ENPP7: variants seen among roughly 807,000 people sequenced by gnomAD.
The protein encoded by ENPP7 is ectonucleotide pyrophosphatase/phosphodiesterase 7, also known as ectonucleotide pyrophosphatase/phosphodiesterase family member 7.
A neutral mutation model predicts 33.6 loss-of-function variants in ENPP7; 39 were observed. The observed-to-expected ratio is 1.16, with a 90% CI of 0.90 to 1.52. The LOEUF is 1.52. Ranked by LOEUF, ENPP7 falls within the 40% of genes most tolerant of loss-of-function variation. The pLI, the probability that ENPP7 is intolerant of heterozygous loss-of-function variation, is 0.00. For synonymous variants in ENPP7, 244 were observed against 274.3 expected, an observed-to-expected ratio of 0.89 and a Z score of 1.09; for missense variants, 594 against 641.0, an observed-to-expected ratio of 0.93 and a Z score of 0.79.
At chr17:79,741,158 A>T (rs1905494228) in intron 5 of ENPP7, among the ~76,000 whole-genome samples, 3 of 151,874 alleles carry the variant, frequency 2.0e-5, no homozygotes, top group Admixed American at 2.0e-4. Flanking sequence ...CTAATTTTTT[A>T]ATTTTTAATT....
In ENPP7 at chr17:79,738,284, G is replaced by T; in HGVS notation, c.*16+222G>T. 1.9e-6 allele frequency: 1 copy of T among 526,520 alleles called. No homozygotes were observed. Among genetic ancestry groups the T allele is most frequent in the Non-Finnish European group, 3.4e-6 (1 of 291,778 alleles). The allele number at this position is 526,520 out of a possible 1,614,324, so 32.6% of individuals were successfully genotyped here. A position where few individuals can be genotyped will look rare whatever the true frequency, so the allele number is the denominator to read the frequency against. ...TCTGGGCTTGGAGGAGGTCTTTCCA[G>T]AGCAGACCACCCGGACCAGTGGCCA... is the stretch of plus-strand genomic sequence containing the variant. On this transcript the variant is annotated intron_variant, in intron 5 of 5. Coordinates refer to ENST00000328313, the MANE Select transcript of ENPP7 (RefSeq NM_178543.5). This position sits in a 1 kb window ranked among gnomAD's most constrained non-coding sequence, Gnocchi z 6.2.
rs77744130 is a variant in ENPP7 at position 79,737,470 on chromosome 17, G to A, written c.1246+210G>A. Reference sequence around the variant, plus strand: ...TCTCGGGCGGCACGAGAGGGCGAGGGGGAGGAGTGGGCAGTCTTGCTCAAG... The same window carrying A: ...TCTCGGGCGGCACGAGAGGGCGAGGAGGAGGAGTGGGCAGTCTTGCTCAAG... On this transcript the variant is annotated intron_variant, in intron 4 of 5. Transcript: ENST00000328313. The surrounding 1 kb of genome is among the most constrained non-coding windows in gnomAD (Gnocchi z 5.5). 6.9e-3 allele frequency among the ~76,000 whole-genome samples: 1,047 copies of A among 152,344 alleles called. 9 individuals are homozygous for A. The highest frequency in any genetic ancestry group is 0.024 in the African/African-American group (982 of 41,574).
At position 79,735,120 on chromosome 17, in the gene ENPP7, A is replaced by G. The variant is rs782678705; in HGVS notation, c.477A>G (p.Lys159=). Residue 159 remains lysine, a synonymous_variant, in exon 3 of 6, where the codon AAA becomes AAG. Coordinates refer to ENST00000328313, the MANE Select transcript of ENPP7 (RefSeq NM_178543.5). The surrounding 1 kb of genome is among the most constrained non-coding windows in gnomAD (Gnocchi z 5.5). ...YQGVAVTRSR[K]EGIAHNYKNE... is the part of the protein sequence containing the mutation. ...GGGTGGCTGTGACGCGGAGCCGGAA[A>G]GAAGGCATCGCACACAACTACAAAA... 18 of 1,613,032 alleles carry G rather than the reference A, an allele frequency of 1.1e-5. No homozygotes were observed. The highest frequency in any genetic ancestry group is 5.0e-5 in the Admixed American group (3 of 60,014).
intron 3 of ENPP7, among the ~76,000 whole-genome samples, chr17:79,736,300 A>G (rs2094295618): frequency 6.6e-6 from 1 of 152,162 alleles, no homozygotes; most frequent in Non-Finnish European, 1.5e-5. Context: ...GGGCCTCCCA[A>G]AGTGCTGGAA....
Position 79,733,368 on chromosome 17 carries a change from C to A in ENPP7, c.254-140C>A, listed in dbSNP as rs183722315. ...AGTGCAGGAGGAAGTCTGCTCCCCC[C>A]AGCCCTGCCCCAGGCCCACTCCCCA... On this transcript the variant is annotated intron_variant, in intron 1 of 5. Coordinates refer to ENST00000328313, the MANE Select transcript of ENPP7 (RefSeq NM_178543.5). 4.5e-5 allele frequency: 38 copies of A among 835,512 alleles called. No individual in the cohort carries two copies. In the African/African-American group the frequency reaches 4.6e-4, roughly 10 times the overall value. The allele number at this position is 835,512 out of a possible 1,614,324, so 51.8% of individuals were successfully genotyped here. A position where few individuals can be genotyped will look rare whatever the true frequency, so the allele number is the denominator to read the frequency against.
chr17:79,733,596 C>T lies in ENPP7; in HGVS notation c.342C>T (p.Gly114=), dbSNP rs1230186578. 1 of 1,613,484 alleles carries T rather than the reference C, an allele frequency of 6.2e-7. No homozygotes were observed. Among genetic ancestry groups the T allele is most frequent in the African/African-American group, 1.3e-5 (1 of 75,062 alleles). Residue 114 remains glycine (G), a synonymous_variant, in exon 2 of 6, where the codon GGC becomes GGT. Coordinates refer to ENST00000328313, the MANE Select transcript of ENPP7 (RefSeq NM_178543.5). ...AGCTGCCCTACCACGCCACGCTGGG[C>T]ATCCAGAGGTGGTGGGACAACGGCA... ...KVKLPYHATL[G]IQRWWDNGSV...
Position 79,735,728 on chromosome 17 carries a change from C to CTTT in ENPP7, c.1026+70_1026+72dup. 26 of 1,244,668 alleles carry CTTT rather than the reference C, an allele frequency of 2.1e-5. No individual in the cohort carries two copies. The highest frequency in any genetic ancestry group is 2.5e-5 in the Non-Finnish European group (23 of 918,290). The allele number at this position is 1,244,668 out of a possible 1,614,324, so 77.1% of individuals were successfully genotyped here. The stretch of plus-strand genomic sequence containing the variant: ...GCTCCCTCCCCAGGCTCTGGGTCTT[C>CTTT]TTTTTTTTTTTTTGAGACCAGGGTC... On this transcript the variant is annotated intron_variant, in intron 3 of 5. Coordinates refer to ENST00000328313, the MANE Select transcript of ENPP7 (RefSeq NM_178543.5). This position sits in a 1 kb window ranked among gnomAD's most constrained non-coding sequence, Gnocchi z 5.5.
Position 79,737,270 on chromosome 17 carries a change from G to A in ENPP7, c.1246+10G>A. On this transcript the variant is annotated intron_variant, in intron 4 of 5. Coordinates refer to ENST00000328313, the MANE Select transcript of ENPP7 (RefSeq NM_178543.5). This position sits in a 1 kb window ranked among gnomAD's most constrained non-coding sequence, Gnocchi z 5.5. ...CCCATGCTGCACACAGGTGAGGGCA[G>A]GGTGCCCCAAATCCCCGCCTGCTCT... 3.8e-6 allele frequency: 6 copies of A among 1,587,292 alleles called. No individual in the cohort carries two copies. The highest frequency in any genetic ancestry group is 5.1e-6 in the Non-Finnish European group (6 of 1,171,212).
chr17:79,735,338 G>T lies in ENPP7; in HGVS notation c.695G>T (p.Arg232Leu), dbSNP rs530922212. ...GGCTACCTCCGGGAGAGCATCGCGC[G>T]CAACCACCTCACAGACCGCCTCAAC... is the stretch of plus-strand genomic sequence containing the variant. ...TVGYLRESIARNHLTDRLNLI... is the reference protein window; with the variant it reads ...TVGYLRESIALNHLTDRLNLI... Residue 232 changes from arginine to leucine, a missense_variant, in exon 3 of 6, where the codon CGC becomes CTC. Around this residue, in one of 3 missense-constraint regions of ENPP7, gnomAD observed 504 missense variants for 512.8 expected, o/e 0.98. Coordinates refer to ENST00000328313, the MANE Select transcript of ENPP7 (RefSeq NM_178543.5). The surrounding 1 kb of genome is among the most constrained non-coding windows in gnomAD (Gnocchi z 5.5). 5 of 1,613,488 alleles carry T rather than the reference G, an allele frequency of 3.1e-6. No individual in the cohort carries two copies. In the African/African-American group the frequency reaches 6.7e-5, roughly 22 times the overall value.
At position 79,741,927 on chromosome 17, in the gene ENPP7, C is replaced by A. The variant is rs1422040408; in HGVS notation, c.*150C>A. 1 of 985,526 alleles carries A rather than the reference C, an allele frequency of 1.0e-6. No homozygotes were observed. Among genetic ancestry groups the A allele is most frequent in the Non-Finnish European group, 1.2e-6 (1 of 830,098 alleles). 61.0% of individuals were successfully genotyped at this position (985,526 alleles called of 1,614,324 possible). On this transcript the variant is annotated 3_prime_UTR_variant, in exon 6 of 6. Coordinates refer to ENST00000328313, the MANE Select transcript of ENPP7 (RefSeq NM_178543.5). ...ATGCCACTGTCCCCGGCAGCGCCAA[C>A]CCCTGCTTGGCTGTTATGGTGCTGG...
rs1159920641 is a variant in ENPP7 at position 79,739,122 on chromosome 17, GAC to G, written c.*16+1062_*16+1063del. The G allele has an allele frequency of 9.2e-5, 14 of 152,496 alleles. No individual in the cohort carries two copies. Among genetic ancestry groups the G allele is most frequent in the African/African-American group, 3.1e-4 (13 of 41,474 alleles). The allele number at this position is 152,496 out of a possible 1,614,324, so 9.4% of individuals were successfully genotyped here. On this transcript the variant is annotated intron_variant, in intron 5 of 5. Coordinates refer to ENST00000328313, the MANE Select transcript of ENPP7 (RefSeq NM_178543.5). This position sits in a 1 kb window ranked among gnomAD's most constrained non-coding sequence, Gnocchi z 4.4. Reference sequence around the variant, plus strand: ...GTGGATTTAGGGAGAAAACCAGAATGACAGACACACCAGAAGAAGCCAGACAC... The same window carrying G: ...GTGGATTTAGGGAGAAAACCAGAATGAGACACACCAGAAGAAGCCAGACAC...
At chr17:79,732,963 C>T (rs1007341434) in intron 1 of ENPP7, among the ~76,000 whole-genome samples, 3 of 152,188 alleles carry the variant, frequency 2.0e-5, no homozygotes, top group South Asian at 2.1e-4. Context: ...CAGATGAGGA[C>T]GGGAGGGACC....
In ENPP7 at chr17:79,738,267, T is replaced by C. The variant is rs2094299641; in HGVS notation, c.*16+205T>C. On this transcript the variant is annotated intron_variant, in intron 5 of 5. Coordinates refer to ENST00000328313, the MANE Select transcript of ENPP7 (RefSeq NM_178543.5). The surrounding 1 kb of genome is among the most constrained non-coding windows in gnomAD (Gnocchi z 6.2). ...CCTTCCAGCCTCTCTGCTCTGGGCT[T>C]GGAGGAGGTCTTTCCAGAGCAGACC... 1.1e-5 allele frequency: 6 copies of C among 568,920 alleles called. No individual in the cohort carries two copies. In the East Asian group the frequency reaches 1.8e-4, roughly 17 times the overall value. The allele number at this position is 568,920 out of a possible 1,614,324, so 35.2% of individuals were successfully genotyped here.
chr17:79,731,321 G>A lies in ENPP7; in HGVS notation c.182G>A (p.Gly61Glu), dbSNP rs1768360802. 6.2e-7 allele frequency: 1 copy of A among 1,613,754 alleles called. No individual in the cohort carries two copies. Among genetic ancestry groups the A allele is most frequent in the African/African-American group, 1.3e-5 (1 of 74,934 alleles). The change falls in exon 1 of 6, where the codon GGG (glycine) becomes GAG (glutamate). Residue 61 changes from glycine to glutamate, a missense_variant. Physicochemically the swap from Gly to Glu is moderately conservative, Grantham distance 98 (BLOSUM62 -2). Coordinates refer to ENST00000328313, the MANE Select transcript of ENPP7 (RefSeq NM_178543.5). Reference sequence around the variant, plus strand: ...AACCTGGACGCCATGGCCCGAGACGGGGTGAAGGCACGCTACATGACCCCC... The same window carrying A: ...AACCTGGACGCCATGGCCCGAGACGAGGTGAAGGCACGCTACATGACCCCC... ...TPNLDAMARD[G>E]VKARYMTPAF... is the part of the protein sequence containing the mutation.
chr17:79,732,563 C>G lies in ENPP7; in HGVS notation c.254-945C>G, dbSNP rs370646565. Among the ~76,000 whole-genome samples, 33 of 152,304 alleles carry G rather than the reference C, an allele frequency of 2.2e-4. No individual in the cohort carries two copies. The Middle Eastern group carries it at 0.01, about 47-fold the overall frequency. ...TCCAGCAGAGGCTCCCTCCTCACCTCTTCTGGCTCCTGGGGCCTCGGCAAT... is the reference window on the plus strand; with the variant it reads ...TCCAGCAGAGGCTCCCTCCTCACCTGTTCTGGCTCCTGGGGCCTCGGCAAT... On this transcript the variant is annotated intron_variant, in intron 1 of 5. Transcript: ENST00000328313.
chr17:79,731,883 A>G (rs2094286106), intron 1 of ENPP7, among the ~76,000 whole-genome samples: 1 of 152,090 alleles, frequency 6.6e-6, no homozygotes, highest in African/African-American at 2.4e-5. Context: ...GGATCACTGG[A>G]GGTCAGGAGT....
rs781807069 is a variant in ENPP7 at position 79,735,292 on chromosome 17, C to T, written c.649C>T (p.Arg217Trp). The T allele has an allele frequency of 6.8e-6, 11 of 1,613,196 alleles. No homozygotes were observed. The highest frequency in any genetic ancestry group is 3.3e-5 in the Admixed American group (2 of 60,006). ...GTCCCCGGAGAGGAGGGAGATGGTG[C>T]GGCAGGTGGACCGGACCGTGGGCTA... ...PESPERREMV[R>W]QVDRTVGYLR... Residue 217 changes from arginine to tryptophan, a missense_variant, in exon 3 of 6, where the codon CGG becomes TGG. Coordinates refer to ENST00000328313, the MANE Select transcript of ENPP7 (RefSeq NM_178543.5). The surrounding 1 kb of genome is among the most constrained non-coding windows in gnomAD (Gnocchi z 5.5).
intron 1 of ENPP7, among the ~76,000 whole-genome samples, chr17:79,733,202 G>A (rs1241811415): frequency 6.6e-6 from 1 of 152,226 alleles, no homozygotes; most frequent in Admixed American, 6.5e-5. Flanking sequence ...CTGCCACCAG[G>A]ATCCCTGCAC....
At position 79,738,910 on chromosome 17, in the gene ENPP7, A is replaced by G. The variant is rs1457044690; in HGVS notation, c.*16+848A>G. On this transcript the variant is annotated intron_variant, in intron 5 of 5. Transcript: ENST00000328313. This position sits in a 1 kb window ranked among gnomAD's most constrained non-coding sequence, Gnocchi z 6.2. ...CCACGCTCTGGTCTGGGCTCAGGAT[A>G]TGCAGCGAACAAGACAGTCCAGGAC... The G allele has an allele frequency of 2.0e-5, 3 of 152,238 alleles. No individual in the cohort carries two copies. The highest frequency in any genetic ancestry group is 7.2e-5 in the African/African-American group (3 of 41,460). The allele number at this position is 152,238 out of a possible 1,614,324, so 9.4% of individuals were successfully genotyped here. A position where few individuals can be genotyped will look rare whatever the true frequency, so the allele number is the denominator to read the frequency against.
Sources: gnomAD v4.1 joint callset for allele counts (sites outside exome capture counted in the v4.1 genomes callset) on GRCh38, gnomAD v4.1.1 for gene constraint, gnomAD v4.1.1 regional missense constraint, Gnocchi (gnomAD v3.1) non-coding constraint, MANE v1.5 for transcripts, NCBI Gene and HGNC (gene_info 2026-07-23, HGNC 2026-07-21) for gene names.